The following PATJ variants were observed in gnomAD, a reference collection of about 807,000 sequenced individuals.
The protein encoded by PATJ is PATJ crumbs cell polarity complex component.
PATJ carries 190 observed loss-of-function variants against 224.9 expected under a neutral mutation model. The observed-to-expected ratio is 0.84, with a 90% confidence interval of 0.75 to 0.95. The LOEUF is 0.95. Among genes scored for constraint, PATJ ranks in the 40% least tolerant of loss-of-function variants. The pLI is 0.00. For missense variants in PATJ, 2,121 were observed against 2,270.3 expected, an observed-to-expected ratio of 0.93 and a Z score of 1.34; for synonymous variants, 769 against 820.3, an observed-to-expected ratio of 0.94 and a Z score of 1.07.
rs1357638316 is a variant in PATJ, at chr1:62,106,154, G to GTATA, written c.4378-2282_4378-2281insATAT. On this transcript the variant is annotated intron_variant, in intron 33 of 43. Transcript: ENST00000642238. The stretch of plus-strand genomic sequence containing the variant: ...TATATACATGTGTATATGTGTGTGT[G>GTATA]TGTGTATATATATATATATATATAT... Among the ~76,000 whole-genome samples, 414 of 48,442 alleles carry GTATA rather than the reference G, an allele frequency of 8.5e-3. 44 individuals are homozygous for GTATA. Among genetic ancestry groups the GTATA allele is most frequent in the Middle Eastern group, 0.013 (1 of 78 alleles). The allele number at this position is 48,442 out of a possible 152,430, so 31.8% of individuals were successfully genotyped here. A position where few individuals can be genotyped will look rare whatever the true frequency, so the allele number is the denominator to read the frequency against.
intron 31 of PATJ, among the ~76,000 whole-genome samples, chr1:62,063,766 T>C (rs6675126): frequency 0.015 from 2,293 of 152,306 alleles, 32 homozygotes; most frequent in Non-Finnish European, 0.024. Context: ...GTGTGGCTAT[T>C]GTAAATGGGA....
intron 21 of PATJ, among the ~76,000 whole-genome samples, chr1:61,880,628 T>C (rs1667958979): frequency 6.6e-6 from 1 of 152,246 alleles, no homozygotes; most frequent in African/African-American, 2.4e-5. Flanking sequence ...GAGCATACAC[T>C]TGATTTCTTA....
chr1:62,155,014 G>A (rs1180243946), intron 43 of PATJ, among the ~76,000 whole-genome samples: 1 of 152,150 alleles, frequency 6.6e-6, no homozygotes, highest in Non-Finnish European at 1.5e-5. Flanking sequence ...TATCCCCAAG[G>A]TAGATAAACC....
At chr1:61,958,755 C>T (rs761385568) in intron 27 of PATJ, among the ~76,000 whole-genome samples, 22 of 152,274 alleles carry the variant, frequency 1.4e-4, no homozygotes, top group Admixed American at 3.3e-4. Flanking sequence ...CAAGGCTGTG[C>T]CTCTAGTTAG....
intron 30 of PATJ, among the ~76,000 whole-genome samples, chr1:62,048,206 C>G (rs1345143359): frequency 6.6e-6 from 1 of 152,060 alleles, no homozygotes; most frequent in Non-Finnish European, 1.5e-5. Context: ...GAATCTGCTT[C>G]AACAAAAAGC....
At chr1:62,105,581 A>G (rs1308237024) in intron 33 of PATJ, among the ~76,000 whole-genome samples, 6 of 152,294 alleles carry the variant, frequency 3.9e-5, no homozygotes, top group African/African-American at 1.4e-4. Context: ...GAAACAGTTC[A>G]GAGAAACAAA....
chr1:62,085,756 C>T (rs1659885203), intron 33 of PATJ, among the ~76,000 whole-genome samples: 1 of 149,294 alleles, frequency 6.7e-6, no homozygotes, highest in African/African-American at 2.5e-5. Flanking sequence ...GTGTTTGAGG[C>T]TGCAGTGAGC....
intron 26 of PATJ, among the ~76,000 whole-genome samples, chr1:61,923,060 A>G (rs990562450): frequency 6.6e-6 from 1 of 152,264 alleles, no homozygotes; most frequent in Non-Finnish European, 1.5e-5. Flanking sequence ...GAATTTCAAT[A>G]CATGGCAAGG....
At chr1:61,769,705 A>G (rs1557610964) in intron 5 of PATJ, among the ~76,000 whole-genome samples, 1 of 152,192 alleles carries the variant, frequency 6.6e-6, no homozygotes, top group African/African-American at 2.4e-5. Context: ...TGCTGGAGCC[A>G]TGATGTGATT....
intron 7 of PATJ, among the ~76,000 whole-genome samples, chr1:61,777,216 A>G (rs1485446653): frequency 6.6e-6 from 1 of 152,220 alleles, no homozygotes; most frequent in African/African-American, 2.4e-5. Flanking sequence ...GCAAAAAATT[A>G]GAATTTTGGA....
At chr1:61,791,310 A>G in intron 8 of PATJ, 38 bp from the exon 9 acceptor site, 1 of 1,202,960 alleles carries the variant, frequency 8.3e-7, no homozygotes, top group African/African-American at 1.5e-5. Context: ...CAGGTATGCC[A>G]CTAAGCATAT....
intron 33 of PATJ, among the ~76,000 whole-genome samples, chr1:62,088,037 A>G (rs61777684): frequency 0.21 from 31,890 of 151,624 alleles, 3,544 homozygotes; most frequent in South Asian, 0.33. Context: ...GATTACAGGC[A>G]TGCACCACCA....
At chr1:61,801,352 G>A (rs1451902231) in intron 11 of PATJ, among the ~76,000 whole-genome samples, 1 of 152,124 alleles carries the variant, frequency 6.6e-6, no homozygotes, top group Non-Finnish European at 1.5e-5. Flanking sequence ...ATTTTTTCAT[G>A]TGTCTTCCCA....
At chr1:62,004,660 A>C (rs1210109944) in intron 28 of PATJ, among the ~76,000 whole-genome samples, 1 of 152,142 alleles carries the variant, frequency 6.6e-6, no homozygotes, top group African/African-American at 2.4e-5. Context: ...GCAGTTCTCT[A>C]CTGGTTTGAG....
At chr1:62,150,496 CTTAAGAGAACTGGAGCCAGTT>C (rs529628337) in intron 42 of PATJ, among the ~76,000 whole-genome samples, 5 of 151,854 alleles carry the variant, frequency 3.3e-5, no homozygotes, top group East Asian at 1.9e-4. Flanking sequence ...GATGCTTAAG[CTTAAGAGAACTGGAGCCAGTT>C]TTAAGAGAAC....
intron 31 of PATJ, among the ~76,000 whole-genome samples, chr1:62,067,071 T>G (rs992273307): frequency 3.9e-5 from 6 of 151,980 alleles, no homozygotes; most frequent in African/African-American, 1.5e-4. Context: ...ATTATAGAAA[T>G]TATGCCTCTC....
chr1:61,953,743 A>G (rs1680048131), intron 27 of PATJ, among the ~76,000 whole-genome samples: 1 of 152,212 alleles, frequency 6.6e-6, no homozygotes, highest in Non-Finnish European at 1.5e-5. Context: ...TCTTCAGAGC[A>G]GTTTATTCAT....
intron 27 of PATJ, among the ~76,000 whole-genome samples, chr1:61,938,856 CTG>C (rs1176882339): frequency 2.0e-5 from 3 of 151,818 alleles, no homozygotes; most frequent in Non-Finnish European, 4.4e-5. Context: ...AAATGATCGA[CTG>C]TGTACTCATT....
intron 22 of PATJ, among the ~76,000 whole-genome samples, chr1:61,899,251 A>T (rs2149149902): frequency 6.6e-6 from 1 of 152,308 alleles, no homozygotes; most frequent in South Asian, 2.1e-4. Context: ...ACCAAGTTTT[A>T]AGGAATACAT....
Sources: allele counts gnomAD v4.1 joint callset (sites outside exome capture counted in the v4.1 genomes callset), GRCh38; gene constraint gnomAD v4.1.1; transcripts MANE v1.5; gene names NCBI Gene and HGNC (gene_info 2026-07-23, HGNC 2026-07-21).